The following KDM5B variants were observed in gnomAD, a reference collection of about 807,000 sequenced individuals.
KDM5B encodes the protein lysine demethylase 5B, also known as lysine-specific demethylase 5B.
Under a neutral mutation model 193.4 loss-of-function variants are expected in KDM5B, and 144 were observed. That is an observed-to-expected ratio of 0.74 (90% CI 0.65 to 0.86). The LOEUF is 0.86. KDM5B is among the 40% of genes least tolerant of loss of function. The probability of loss-of-function intolerance (pLI) is 0.00; values close to 1 mark genes in which losing one functional copy is unlikely to be tolerated. For synonymous variants in KDM5B, 668 were observed against 682.6 expected, an observed-to-expected ratio of 0.98 and a Z score of 0.33; for missense variants, 1,833 against 1,886.9, an observed-to-expected ratio of 0.97 and a Z score of 0.53.
chr1:202,762,144 C>T (rs376330770), intron 7 of KDM5B, among the ~76,000 whole-genome samples: 20 of 152,204 alleles, frequency 1.3e-4, no homozygotes, highest in East Asian at 9.6e-4. Flanking sequence ...CAGCTCCCAG[C>T]CCTCTAACTC....
intron 16 of KDM5B, 90 bp downstream of exon 16, chr1:202,745,768 G>T: frequency 6.9e-7 from 1 of 1,456,016 alleles, no homozygotes. Flanking sequence ...AGGTCAGGCT[G>T]TTTCAAGAAA....
chr1:202,746,243 G>A lies in KDM5B; in HGVS notation c.2097C>T (p.Cys699=), dbSNP rs1237415505. 3 of 1,613,304 alleles carry A rather than the reference G, an allele frequency of 1.9e-6. No individual in the cohort carries two copies. Among genetic ancestry groups the A allele is most frequent in the Non-Finnish European group, 2.5e-6 (3 of 1,179,492 alleles). ...ERQCVKCKTT[C]FMSAISCSCK... ...AAGAACAGGAGATGGCAGACATGAA[G>A]CATGTAGTTTTGCATTTTACACACT... Residue 699 remains cysteine (C), a synonymous_variant, in exon 15 of 27, where the codon TGC becomes TGT. Coordinates refer to ENST00000367265, the MANE Select transcript of KDM5B (RefSeq NM_006618.5).
chr1:202,756,094 G>C (rs1257197227), intron 10 of KDM5B, among the ~76,000 whole-genome samples: 2 of 151,990 alleles, frequency 1.3e-5, no homozygotes, highest in African/African-American at 4.8e-5. Context: ...AAATAGACCT[G>C]GTCTCAGGCC....
Position 202,752,942 on chromosome 1 carries a change from A to G in KDM5B, c.1664T>C (p.Ile555Thr). The G allele has an allele frequency of 6.2e-7, 1 of 1,614,164 alleles. No individual in the cohort carries two copies. Among genetic ancestry groups the G allele is most frequent in the Non-Finnish European group, 8.5e-7 (1 of 1,180,010 alleles). Residue 555 changes from isoleucine (I) to threonine (T), a missense_variant, in exon 12 of 27, where the codon ATC becomes ACC. Ile to Thr is a moderately conservative substitution (Grantham distance 89). Transcript: ENST00000367265. ...AGTCATCAGGGTATTGGGGTTCATG[A>G]TGGTCACAAGCTGATGGAGGAGATC... ...QPDLLHQLVT[I>T]MNPNTLMTHE...
At chr1:202,753,912 G>GC (rs1427876120) in intron 11 of KDM5B, among the ~76,000 whole-genome samples, 3 of 151,744 alleles carry the variant, frequency 2.0e-5, no homozygotes, top group Non-Finnish European at 4.4e-5. Flanking sequence ...CAGGTGAACC[G>GC]CCCGCCTCAG....
At chr1:202,733,981 G>A (rs1654999356) in intron 22 of KDM5B, 95 bp from the exon 23 acceptor site, 4 of 1,416,586 alleles carry the variant, frequency 2.8e-6, no homozygotes, top group Admixed American at 2.2e-5. Flanking sequence ...GGGATCCTGA[G>A]TAGATCATCT....
Position 202,736,375 on chromosome 1 carries a change from T to C in KDM5B, c.3102A>G (p.Pro1034=), listed in dbSNP as rs771747429. Residue 1034 remains proline (P), a synonymous_variant, in exon 21 of 27, where the codon CCA becomes CCG. Coordinates refer to ENST00000367265, the MANE Select transcript of KDM5B (RefSeq NM_006618.5). ...CAAGTTCTATGAGTGTGTCTAACAC[T>C]GGCACACGTCCTCCAGCCTAATAAG... ...VEGLQAGGRV[P]VLDTLIELVT... 1.9e-6 allele frequency: 3 copies of C among 1,580,356 alleles called. No homozygotes were observed. Among genetic ancestry groups the C allele is most frequent in the Non-Finnish European group, 1.7e-6 (2 of 1,162,810 alleles).
rs1206717486 is a variant in KDM5B at position 202,761,192 on chromosome 1, A to G, written c.919-619T>C. Among the ~76,000 whole-genome samples, 4 of 152,174 alleles carry G rather than the reference A, an allele frequency of 2.6e-5. No homozygotes were observed. In the East Asian group the frequency reaches 5.8e-4, roughly 22 times the overall value. On this transcript the variant is annotated intron_variant, in intron 7 of 26. Transcript: ENST00000367265. The stretch of plus-strand genomic sequence containing the variant: ...ACGGTGGCTTAAGCCTGTAATCCCA[A>G]CACTTTTGGGGGCCCTGGCAGGACT...
intron 1 of KDM5B, among the ~76,000 whole-genome samples, chr1:202,790,557 TA>T (rs1657606704): frequency 6.6e-6 from 1 of 151,164 alleles, no homozygotes; most frequent in South Asian, 2.1e-4. Flanking sequence ...CCATCTCTAC[TA>T]AAAATACAAA....
chr1:202,776,971 G>A (rs946674970), intron 2 of KDM5B, 46 bp downstream of exon 2: 6 of 1,160,934 alleles, frequency 5.2e-6, no homozygotes, highest in East Asian at 2.4e-5. Context: ...TTTCAAAGAC[G>A]GTCCCCCTGG....
rs1211834344 is a variant in KDM5B, at chr1:202,729,852, A to C, written c.4352T>G (p.Leu1451Ter). 1 of 1,614,130 alleles carries C rather than the reference A, an allele frequency of 6.2e-7. No individual in the cohort carries two copies. ...SHPKDMNNFK[L>*]ERERSYELVR... ...TAATTCATAGCTACGCTCTCTCTCT[A>C]ACTTGAAATTGTTCATGTCCTTGGG... The change falls in exon 26 of 27, where the codon TTA (leucine) becomes TGA (stop). Residue 1451 changes from leucine (L) to a stop codon, truncating the protein, a stop_gained. Transcript: ENST00000367265. LOFTEE classifies it high-confidence loss of function.
Position 202,748,934 on chromosome 1 carries a change from A to G in KDM5B, c.2016+11T>C. 6.2e-7 allele frequency: 1 copy of G among 1,602,606 alleles called. No homozygotes were observed. Among genetic ancestry groups the G allele is most frequent in the Non-Finnish European group, 8.5e-7 (1 of 1,174,002 alleles). On this transcript the variant is annotated intron_variant, in intron 14 of 26. Transcript: ENST00000367265. ...AATGACAACATGCAGTTGGATTTCCATAAGCCTTACCAATTTACGGACAGT... is the reference window on the plus strand; with the variant it reads ...AATGACAACATGCAGTTGGATTTCCGTAAGCCTTACCAATTTACGGACAGT...
At chr1:202,747,090 G>A (rs533005168) in intron 14 of KDM5B, among the ~76,000 whole-genome samples, 7 of 152,180 alleles carry the variant, frequency 4.6e-5, no homozygotes, top group Admixed American at 1.3e-4. Context: ...AATGCCAGTC[G>A]TTTATGAACT....
chr1:202,729,952 CCT>C lies in KDM5B; in HGVS notation c.4250_4251del (p.Glu1417GlyfsTer5). The C allele has an allele frequency of 6.2e-7, 1 of 1,614,076 alleles. No homozygotes were observed. Among genetic ancestry groups the C allele is most frequent in the Non-Finnish European group, 8.5e-7 (1 of 1,179,984 alleles). The stretch of plus-strand genomic sequence containing the variant: ...CGTTCCCACCGCTCACTGGAGAGGC[CCT>C]CTCTTTCCAGGCGTCTCTTCAGTTT... ...ERKLKRRLER[E>X]GLSSERWERV... On this transcript the variant is annotated frameshift_variant, in exon 26 of 27. Coordinates refer to ENST00000367265, the MANE Select transcript of KDM5B (RefSeq NM_006618.5). LOFTEE classifies it high-confidence loss of function.
chr1:202,777,546 T>G (rs116002258), intron 1 of KDM5B, among the ~76,000 whole-genome samples: 30 of 152,170 alleles, frequency 2.0e-4, no homozygotes, highest in Non-Finnish European at 4.1e-4. Flanking sequence ...CAGGCTTAAG[T>G]GCAGTGGTGT....
intron 11 of KDM5B, 119 bp from the exon 12 acceptor site, chr1:202,753,186 TG>T: frequency 1.2e-6 from 1 of 807,140 alleles, no homozygotes; most frequent in East Asian, 2.6e-5. Context: ...ATCCACAAAC[TG>T]ACGAAATATC....
In KDM5B at chr1:202,740,308, G is replaced by A. The variant is rs1202047757; in HGVS notation, c.3084+366C>T. On this transcript the variant is annotated intron_variant, in intron 20 of 26. Transcript: ENST00000367265. Reference sequence around the variant, plus strand: ...TCCTCACTTTCCAGTAGGGGCGGCCGGGCAGAGGCGCCCCTCACCTCCCGG... The same window carrying A: ...TCCTCACTTTCCAGTAGGGGCGGCCAGGCAGAGGCGCCCCTCACCTCCCGG... Among the ~76,000 whole-genome samples, 12 of 138,036 alleles carry A rather than the reference G, an allele frequency of 8.7e-5. 1 individual carries two copies. The highest frequency in any genetic ancestry group is 4.7e-3 in the Middle Eastern group (1 of 214). The allele number at this position is 138,036 out of a possible 152,430, so 90.6% of individuals were successfully genotyped here. A position where few individuals can be genotyped will look rare whatever the true frequency, so the allele number is the denominator to read the frequency against.
intron 7 of KDM5B, 137 bp from the exon 8 acceptor site, chr1:202,760,710 A>G: frequency 4.0e-6 from 2 of 505,160 alleles, no homozygotes. Context: ...TCTATAAGGG[A>G]TATTTTAAAT....
intron 12 of KDM5B, among the ~76,000 whole-genome samples, 179 bp downstream of exon 12, chr1:202,752,726 T>C (rs1337220433): frequency 3.9e-5 from 6 of 152,210 alleles, no homozygotes; most frequent in Admixed American, 3.9e-4. Flanking sequence ...TTTTGTGGTA[T>C]CTAAGGATCC....
Sources: allele counts gnomAD v4.1 joint callset (sites outside exome capture counted in the v4.1 genomes callset), GRCh38; gene constraint gnomAD v4.1.1; transcripts MANE v1.5; gene names NCBI Gene and HGNC (gene_info 2026-07-23, HGNC 2026-07-21).